Variants in DCDC2 observed in about 807,000 individuals in gnomAD.
DCDC2 encodes the protein doublecortin domain containing 2.
A neutral mutation model predicts 50.2 loss-of-function variants in DCDC2; 40 were observed. That is an observed-to-expected ratio of 0.80 (90% CI 0.62 to 1.04). The LOEUF is 1.04. Among genes scored for constraint, DCDC2 ranks in the 50% least tolerant of loss-of-function variants. The probability of loss-of-function intolerance (pLI) is 0.00; values close to 1 mark genes in which losing one functional copy is unlikely to be tolerated. For missense variants in DCDC2, 570 were observed against 581.9 expected (o/e 0.98, Z 0.21); for synonymous variants, 234 against 210.6 (o/e 1.11, Z -0.96).
At chr6:24,262,170 G>T (rs956084980) in intron 7 of DCDC2, among the ~76,000 whole-genome samples, 17 of 146,452 alleles carry the variant, frequency 1.2e-4, no homozygotes, top group African/African-American at 4.3e-4. Flanking sequence ...GAGAATCTGT[G>T]TGCTTAGGGG....
At chr6:24,298,691 T>C (rs1759310187) in intron 4 of DCDC2, among the ~76,000 whole-genome samples, 3 of 152,112 alleles carry the variant, frequency 2.0e-5, no homozygotes. Context: ...GTATATTAAA[T>C]AAAAATCCCA....
At position 24,205,247 on chromosome 6, in the gene DCDC2, GACC is replaced by G. The variant is rs1561889520; in HGVS notation, c.923-148_923-146del. The G allele has an allele frequency of 6.3e-6, 10 of 1,577,566 alleles. No individual in the cohort carries two copies. In the Admixed American group the frequency reaches 7.4e-5, roughly 12 times the overall value. On this transcript the variant is annotated intron_variant, in intron 7 of 9. Coordinates refer to ENST00000378454, the MANE Select transcript of DCDC2 (RefSeq NM_016356.5). ...AGTATTTTTGTGCACCCCCTCCTCC[GACC>G]ACCACACCACCCCCAGTTGTTCCAC...
chr6:24,192,399 C>T (rs551271499), intron 8 of DCDC2, among the ~76,000 whole-genome samples: 23 of 151,860 alleles, frequency 1.5e-4, no homozygotes, highest in Admixed American at 2.0e-4. Flanking sequence ...CCTATGCACA[C>T]AGTGTGTCCT....
At chr6:24,261,754 G>C (rs59975176) in intron 7 of DCDC2, among the ~76,000 whole-genome samples, 4 of 152,072 alleles carry the variant, frequency 2.6e-5, no homozygotes, top group East Asian at 3.9e-4. Flanking sequence ...TTCTCAGCTC[G>C]TCATCTACTA....
At chr6:24,272,057 A>C (rs1033358520) in intron 7 of DCDC2, among the ~76,000 whole-genome samples, 1 of 152,278 alleles carries the variant, frequency 6.6e-6, no homozygotes, top group South Asian at 2.1e-4. Flanking sequence ...TAGTGAACAA[A>C]GTGTTTAAGA....
chr6:24,379,602 T>C, the DCDC2 span, among the ~76,000 whole-genome samples: 1 of 152,186 alleles, frequency 6.6e-6, no homozygotes, highest in African/African-American at 2.4e-5. Flanking sequence ...GAAGTGTAAA[T>C]TAGTTCAACC....
rs1760834532 is a variant in DCDC2, at chr6:24,173,609, G to T, written c.*1121C>A. Reference sequence around the variant, plus strand: ...AGTCAGTCCATGAAGTTGTGATTCAGGAATTGGTTTCATTATAATAACTTC... The same window carrying T: ...AGTCAGTCCATGAAGTTGTGATTCATGAATTGGTTTCATTATAATAACTTC... On this transcript the variant is annotated 3_prime_UTR_variant, in exon 10 of 10. Transcript: ENST00000378454. The T allele has an allele frequency of 6.6e-6, 1 of 152,090 alleles. No individual in the cohort carries two copies. The highest frequency in any genetic ancestry group is 1.5e-5 in the Non-Finnish European group (1 of 68,002). The allele number at this position is 152,090 out of a possible 1,614,324, so 9.4% of individuals were successfully genotyped here.
At position 24,319,334 on chromosome 6, in the gene DCDC2, A is replaced by C. The variant is rs547510912; in HGVS notation, c.349-17290T>G. On this transcript the variant is annotated intron_variant, in intron 2 of 9. Coordinates refer to ENST00000378454, the MANE Select transcript of DCDC2 (RefSeq NM_016356.5). ...GTTGTTTGAGTCCTTGTAAATTTGG[A>C]TATCAGTCCCCTGTGGGATGCATAG... Among the ~76,000 whole-genome samples, 17 of 151,030 alleles carry C rather than the reference A, an allele frequency of 1.1e-4. No homozygotes were observed. In the East Asian group the frequency reaches 3.3e-3, roughly 29 times the overall value.
At chr6:24,284,444 A>G (rs1166642997) in intron 6 of DCDC2, among the ~76,000 whole-genome samples, 1 of 142,712 alleles carries the variant, frequency 7.0e-6, no homozygotes, top group East Asian at 2.0e-4. Flanking sequence ...CGTCTCTACT[A>G]AAAAAAAAAA....
At chr6:24,288,709 T>G in intron 6 of DCDC2, 143 bp downstream of exon 6, 1 of 704,182 alleles carries the variant, frequency 1.4e-6, no homozygotes, top group Non-Finnish European at 2.5e-6. Flanking sequence ...AACATTAAAG[T>G]TCTAGTGCTG....
chr6:24,174,841 G>A lies in DCDC2; in HGVS notation c.1327-7C>T, dbSNP rs758332744. 8 of 1,595,324 alleles carry A rather than the reference G, an allele frequency of 5.0e-6. No homozygotes were observed. The highest frequency in any genetic ancestry group is 6.9e-6 in the Non-Finnish European group (8 of 1,165,244). On this transcript the variant is annotated splice_polypyrimidine_tract_variant and splice_region_variant and intron_variant, in intron 9 of 9. Coordinates refer to ENST00000378454, the MANE Select transcript of DCDC2 (RefSeq NM_016356.5). ...TTTGAGGGTCTACATCAGCCTAGAA[G>A]AAAATAGATCAAAACAAAGGTATTC...
chr6:24,234,971 A>G (rs1351438162), intron 7 of DCDC2, among the ~76,000 whole-genome samples: 1 of 152,250 alleles, frequency 6.6e-6, no homozygotes, highest in East Asian at 1.9e-4. Context: ...AAGGCCCAAA[A>G]TGATCCTGAC....
At chr6:24,257,289 G>A (rs1158858231) in intron 7 of DCDC2, among the ~76,000 whole-genome samples, 1 of 152,192 alleles carries the variant, frequency 6.6e-6, no homozygotes, top group African/African-American at 2.4e-5. Context: ...AAAAAATTCA[G>A]TCATTCTCTC....
At chr6:24,355,323 A>T (rs1007901883) in intron 1 of DCDC2, among the ~76,000 whole-genome samples, 3 of 152,130 alleles carry the variant, frequency 2.0e-5, no homozygotes, top group Admixed American at 2.0e-4. Flanking sequence ...ACAAAAGAAC[A>T]TGAACTATAA....
chr6:24,223,379 C>A (rs7747779), intron 7 of DCDC2, among the ~76,000 whole-genome samples: 2,195 of 152,188 alleles, frequency 0.014, 16 homozygotes, highest in Middle Eastern at 0.044. Flanking sequence ...GCTAACTCTA[C>A]GCAAACATGA....
intron 7 of DCDC2, among the ~76,000 whole-genome samples, chr6:24,239,239 G>A (rs571531213): frequency 6.6e-6 from 1 of 152,286 alleles, no homozygotes; most frequent in African/African-American, 2.4e-5. Context: ...TATCAACCCA[G>A]AGGAAGAACA....
chr6:24,251,004 A>T (rs1471705845), intron 7 of DCDC2, among the ~76,000 whole-genome samples: 1 of 152,230 alleles, frequency 6.6e-6, no homozygotes, highest in Non-Finnish European at 1.5e-5. Context: ...GGTATAGTCT[A>T]ATCATAAAAC....
At chr6:24,279,366 G>A (rs1561755817) in intron 6 of DCDC2, among the ~76,000 whole-genome samples, 1 of 152,122 alleles carries the variant, frequency 6.6e-6, no homozygotes, top group Non-Finnish European at 1.5e-5. Context: ...CTGGAGGTCA[G>A]GAGTTTGAGG....
intron 8 of DCDC2, among the ~76,000 whole-genome samples, chr6:24,198,780 A>C (rs1316352530): frequency 6.6e-6 from 1 of 152,190 alleles, no homozygotes; most frequent in African/African-American, 2.4e-5. Context: ...CACTGCAAGC[A>C]CAGCAGTCTG....
Sources: allele counts gnomAD v4.1 joint callset (sites outside exome capture counted in the v4.1 genomes callset), GRCh38; gene constraint gnomAD v4.1.1; transcripts MANE v1.5; gene names NCBI Gene and HGNC (gene_info 2026-07-23, HGNC 2026-07-21).